The following LNPEP variants were observed in gnomAD, a reference collection of about 807,000 sequenced individuals.
LNPEP encodes leucyl-cystinyl aminopeptidase.
LNPEP carries 64 observed loss-of-function variants against 120.6 expected under a neutral mutation model. The observed-to-expected ratio is 0.53, with a 90% CI of 0.43 to 0.65. The LOEUF (loss-of-function observed/expected upper bound fraction) is 0.65. Ranked by LOEUF, LNPEP falls within the 30% of genes least tolerant of loss-of-function variation. The pLI is 0.00. For missense variants in LNPEP, 1,057 were observed against 1,200.0 expected (o/e 0.88, Z 1.76); for synonymous variants, 435 against 425.4 (o/e 1.02, Z -0.28).
intron 11 of LNPEP, chr5:97,010,597 GT>G (rs1790903126): frequency 3.0e-6 from 3 of 984,926 alleles, no homozygotes; most frequent in Admixed American, 6.1e-5. Context: ...CAGAACTTTA[GT>G]TTTTTTGTAA....
At chr5:97,001,943 C>T (rs779321843) in intron 8 of LNPEP, among the ~76,000 whole-genome samples, 19 of 152,132 alleles carry the variant, frequency 1.2e-4, no homozygotes, top group Admixed American at 2.6e-4. Flanking sequence ...AGTTCAAGAA[C>T]AGTCTGTCCA....
intron 13 of LNPEP, among the ~76,000 whole-genome samples, chr5:97,021,113 C>T (rs1791183297): frequency 6.6e-6 from 1 of 152,122 alleles, no homozygotes; most frequent in Non-Finnish European, 1.5e-5. Context: ...TAGTTTTCTT[C>T]AGTGTGATAA....
rs755720378 is a variant in LNPEP at position 96,979,528 on chromosome 5, C to A, written c.410C>A (p.Thr137Asn). 2 of 1,613,988 alleles carry A rather than the reference C, an allele frequency of 1.2e-6. No individual in the cohort carries two copies. The highest frequency in any genetic ancestry group is 2.2e-5 in the East Asian group (1 of 44,882). Residue 137 changes from threonine to asparagine, a missense_variant, in exon 2 of 18, where the codon ACC becomes AAC. Thr to Asn is a moderately conservative substitution (Grantham distance 65). Transcript: ENST00000231368. Reference sequence around the variant, plus strand: ...TACTTACTGCCCAGATGTACCTTTACCAAAGAAGGCTGCCATAAAAAAAAC... The same window carrying A: ...TACTTACTGCCCAGATGTACCTTTAACAAAGAAGGCTGCCATAAAAAAAAC... ...VIYLLPRCTF[T>N]KEGCHKKNQS...
intron 1 of LNPEP, among the ~76,000 whole-genome samples, chr5:96,969,299 A>T (rs1372646221): frequency 2.6e-5 from 4 of 151,202 alleles, no homozygotes; most frequent in African/African-American, 9.7e-5. Context: ...AGTTTCCTTT[A>T]AATAGCAGTT....
intron 4 of LNPEP, among the ~76,000 whole-genome samples, chr5:96,991,605 C>A (rs56078010): frequency 0.038 from 5,716 of 152,182 alleles, 185 homozygotes; most frequent in Middle Eastern, 0.11. Context: ...ATTTATATAT[C>A]TTCTTTGGAG....
At chr5:97,011,542 C>A (rs758754091) in intron 11 of LNPEP, among the ~76,000 whole-genome samples, 3 of 152,112 alleles carry the variant, frequency 2.0e-5, no homozygotes, top group African/African-American at 4.8e-5. Context: ...AGGGTTCTTT[C>A]TTGATAAAAG....
intron 1 of LNPEP, among the ~76,000 whole-genome samples, chr5:96,965,806 T>C (rs753056467): frequency 2.6e-5 from 4 of 152,176 alleles, no homozygotes; most frequent in Non-Finnish European, 1.5e-5. Flanking sequence ...ACCTTGTTTG[T>C]TGTGATAGTC....
chr5:97,026,490 A>C, intron 15 of LNPEP, 127 bp from the exon 16 acceptor site: 2 of 683,166 alleles, frequency 2.9e-6, no homozygotes. Flanking sequence ...CCGTAGACTA[A>C]TGCAACAGTT....
In LNPEP at chr5:96,980,342, G is replaced by A. The variant is rs192933684; in HGVS notation, c.860+364G>A. On this transcript the variant is annotated intron_variant, in intron 2 of 17. Transcript: ENST00000231368. ...ATTCTTTAAGACCTATTTTCCTAAT[G>A]TGCAGAACTTTTAGGAGGTACTTAG... Among the ~76,000 whole-genome samples, 470 of 152,258 alleles carry A rather than the reference G, an allele frequency of 3.1e-3. 6 individuals are homozygous for A. Among genetic ancestry groups the A allele is most frequent in the Admixed American group, 0.022 (333 of 15,286 alleles).
At chr5:97,008,319 TTTTG>T (rs1246833139) in intron 11 of LNPEP, among the ~76,000 whole-genome samples, 28 of 149,752 alleles carry the variant, frequency 1.9e-4, no homozygotes, top group Admixed American at 5.4e-4. Flanking sequence ...TGGTTGATTT[TTTTG>T]TTTGTTTTTT....
In LNPEP at chr5:97,028,641, T is replaced by G; in HGVS notation, c.*108T>G. 1.7e-6 allele frequency: 2 copies of G among 1,182,214 alleles called. No individual in the cohort carries two copies. Among genetic ancestry groups the G allele is most frequent in the East Asian group, 2.4e-5 (1 of 42,118 alleles). 73.2% of individuals were successfully genotyped at this position (1,182,214 alleles called of 1,614,324 possible). On this transcript the variant is annotated 3_prime_UTR_variant, in exon 18 of 18. Transcript: ENST00000231368. Reference sequence around the variant, plus strand: ...AAGCCAGGATCGCTGCCAAGTTGTTTGCACTCTTTGGAGTTCTAGTTAGCT... The same window carrying G: ...AAGCCAGGATCGCTGCCAAGTTGTTGGCACTCTTTGGAGTTCTAGTTAGCT...
chr5:96,977,167 C>T (rs962483531), intron 1 of LNPEP, among the ~76,000 whole-genome samples: 4 of 151,784 alleles, frequency 2.6e-5, no homozygotes, highest in African/African-American at 9.7e-5. Context: ...TCCATATGCT[C>T]CCCAAAGCAG....
chr5:96,951,833 G>A (rs974866941), intron 1 of LNPEP, among the ~76,000 whole-genome samples: 4 of 152,120 alleles, frequency 2.6e-5, no homozygotes, highest in Admixed American at 1.3e-4. Context: ...CTGCACTGAA[G>A]CAATTCAGAC....
chr5:96,942,008 G>A (rs1156574651), intron 1 of LNPEP, among the ~76,000 whole-genome samples: 2 of 152,176 alleles, frequency 1.3e-5, no homozygotes, highest in Non-Finnish European at 2.9e-5. Flanking sequence ...GTTGGAAGGG[G>A]ACAGGTAGGT....
chr5:96,941,003 C>A (rs890086532), intron 1 of LNPEP, among the ~76,000 whole-genome samples: 9 of 152,124 alleles, frequency 5.9e-5, no homozygotes, highest in African/African-American at 1.2e-4. Context: ...ATTATTATTG[C>A]ATTGTAATAT....
At chr5:97,022,199 G>A (rs1232930633) in intron 13 of LNPEP, 101 bp from the exon 14 acceptor site, 4 of 726,104 alleles carry the variant, frequency 5.5e-6, no homozygotes, top group Non-Finnish European at 9.0e-6. Flanking sequence ...AACGTGCTGG[G>A]ATTACAGGCA....
intron 9 of LNPEP, among the ~76,000 whole-genome samples, chr5:97,005,176 TA>T (rs1790750176): frequency 1.3e-5 from 2 of 152,316 alleles, no homozygotes; most frequent in African/African-American, 4.8e-5. Context: ...GTGCTTTAAA[TA>T]AATGGGCATA....
chr5:97,012,407 G>T (rs1477273111), intron 11 of LNPEP, among the ~76,000 whole-genome samples: 3 of 151,710 alleles, frequency 2.0e-5, no homozygotes, highest in African/African-American at 7.3e-5. Flanking sequence ...TTTAAAAGGG[G>T]GTAAAAATTA....
At chr5:97,004,625 A>G (rs1582020955) in intron 9 of LNPEP, among the ~76,000 whole-genome samples, 1 of 152,166 alleles carries the variant, frequency 6.6e-6, no homozygotes, top group South Asian at 2.1e-4. Flanking sequence ...ACAGTTTCAA[A>G]GTTTTATTGA....
Sources: allele counts gnomAD v4.1 joint callset (sites outside exome capture counted in the v4.1 genomes callset), GRCh38; gene constraint gnomAD v4.1.1; transcripts MANE v1.5; gene names NCBI Gene and HGNC (gene_info 2026-07-23, HGNC 2026-07-21).